The following CTIF variants were observed in gnomAD, a reference collection of about 807,000 sequenced individuals.
CTIF encodes CBP80/20-dependent translation initiation factor.
In CTIF, 21 loss-of-function variants were observed where a neutral mutation model predicts 66.0. The observed-to-expected ratio is 0.32, with a 90% CI of 0.23 to 0.46. The LOEUF (loss-of-function observed/expected upper bound fraction) is 0.46, where lower values mean the gene tolerates loss of function less well. CTIF is among the 20% of genes least tolerant of loss of function. CTIF has a pLI of 1.00. For missense variants in CTIF, 739 were observed against 812.7 expected, an observed-to-expected ratio of 0.91 and a Z score of 1.10; for synonymous variants, 345 against 326.4, an observed-to-expected ratio of 1.06 and a Z score of -0.62.
chr18:48,823,976 C>CACACACACA (rs2068532607), intron 10 of CTIF, among the ~76,000 whole-genome samples: 5 of 124,104 alleles, frequency 4.0e-5, no homozygotes, highest in African/African-American at 1.1e-4. Context: ...CCTAAAGACT[C>CACACACACA]CACACACACA....
intron 9 of CTIF, among the ~76,000 whole-genome samples, chr18:48,799,886 G>A (rs1295878934): frequency 6.6e-6 from 1 of 152,232 alleles, no homozygotes; most frequent in African/African-American, 2.4e-5. Context: ...AGTGGGAGAG[G>A]CAATCACTGA....
intron 3 of CTIF, among the ~76,000 whole-genome samples, chr18:48,647,453 AG>A (rs1351429163): frequency 2.0e-5 from 3 of 152,216 alleles, no homozygotes; most frequent in Non-Finnish European, 4.4e-5. Context: ...TCGTATTAAG[AG>A]GATGAAGAGA....
chr18:48,572,528 GC>G (rs2089439517), intron 1 of CTIF, among the ~76,000 whole-genome samples: 1 of 152,188 alleles, frequency 6.6e-6, no homozygotes, highest in Non-Finnish European at 1.5e-5. Context: ...AGATTACACA[GC>G]TAGTAGGAGC....
intron 7 of CTIF, among the ~76,000 whole-genome samples, chr18:48,730,512 T>C (rs137956100): frequency 0.92 from 32,478 of 35,338 alleles, 14,921 homozygotes; most frequent in Middle Eastern, 0.95. Flanking sequence ...GTGAGGGGCT[T>C]CTGCGGTGTG....
chr18:48,612,330 G>T (rs2090322202), intron 1 of CTIF, among the ~76,000 whole-genome samples: 1 of 152,228 alleles, frequency 6.6e-6, no homozygotes, highest in Non-Finnish European at 1.5e-5. Context: ...CCCCACTCCA[G>T]CAGGCAGCAT....
chr18:48,588,918 G>A (rs1403614809), intron 1 of CTIF, among the ~76,000 whole-genome samples: 7 of 152,004 alleles, frequency 4.6e-5, no homozygotes, highest in Non-Finnish European at 7.4e-5. Flanking sequence ...AGTGGCTGAG[G>A]GCACCGGACT....
Position 48,761,620 on chromosome 18 carries a change from C to G in CTIF, c.1302C>G (p.Leu434=). ...GCTTCGCCTTCACCGCTGCCAAGCT[C>G]TGCGACAAGATGGCGCTCTTTATGG... The part of the protein sequence containing the change: ...DRSFAFTAAK[L]CDKMALFMVE... The change falls in exon 9 of 12, where the codon CTC becomes CTG. Residue 434 remains leucine (L), a synonymous_variant. Transcript: ENST00000256413. The surrounding 1 kb of genome is among the most constrained non-coding windows in gnomAD (Gnocchi z 4.2). 6.2e-7 allele frequency: 1 copy of G among 1,614,226 alleles called. No homozygotes were observed. Among genetic ancestry groups the G allele is most frequent in the Non-Finnish European group, 8.5e-7 (1 of 1,180,046 alleles).
intron 6 of CTIF, among the ~76,000 whole-genome samples, chr18:48,674,401 G>A (rs945213705): frequency 6.6e-6 from 1 of 152,226 alleles, no homozygotes; most frequent in Non-Finnish European, 1.5e-5. Flanking sequence ...AAAGCAGAGG[G>A]CGCCATGGGC....
chr18:48,614,849 GT>G (rs1488842391), intron 1 of CTIF, among the ~76,000 whole-genome samples: 1 of 150,978 alleles, frequency 6.6e-6, no homozygotes, highest in African/African-American at 2.5e-5. Context: ...TGATTTGTTT[GT>G]TTTGTTTGGT....
chr18:48,753,758 C>T (rs1014191014), intron 7 of CTIF, among the ~76,000 whole-genome samples: 2 of 152,186 alleles, frequency 1.3e-5, no homozygotes, highest in African/African-American at 4.8e-5. Flanking sequence ...ACTTGCAGGG[C>T]TGCAAAACTG....
At chr18:48,723,017 C>A (rs2092354985) in intron 7 of CTIF, among the ~76,000 whole-genome samples, 1 of 152,192 alleles carries the variant, frequency 6.6e-6, no homozygotes, top group Non-Finnish European at 1.5e-5. Flanking sequence ...TTCCCAATGA[C>A]CTTAGGAAGG....
chr18:48,717,920 T>C (rs1287423584), intron 7 of CTIF, among the ~76,000 whole-genome samples: 1 of 152,092 alleles, frequency 6.6e-6, no homozygotes, highest in African/African-American at 2.4e-5. Context: ...GCTTGATTGA[T>C]TGGTAGCGAT....
chr18:48,757,164 TAGTC>T (rs1908447703), intron 7 of CTIF, among the ~76,000 whole-genome samples: 1 of 152,200 alleles, frequency 6.6e-6, no homozygotes. Context: ...ATAAGGCCAT[TAGTC>T]AGTTCAGATT....
intron 9 of CTIF, among the ~76,000 whole-genome samples, chr18:48,780,852 T>C (rs1911139159): frequency 6.6e-6 from 1 of 152,118 alleles, no homozygotes; most frequent in South Asian, 2.1e-4. Context: ...AGTGCAGGGG[T>C]AGGGCTTAAG....
chr18:48,772,769 T>C (rs1174154295), intron 9 of CTIF, among the ~76,000 whole-genome samples: 1 of 152,260 alleles, frequency 6.6e-6, no homozygotes, highest in African/African-American at 2.4e-5. Flanking sequence ...ACCTTTTGAC[T>C]ATTGTGATTC....
intron 10 of CTIF, among the ~76,000 whole-genome samples, chr18:48,828,723 C>G (rs753256241): frequency 6.6e-6 from 1 of 152,254 alleles, no homozygotes; most frequent in Non-Finnish European, 1.5e-5. Context: ...TCTCTCCCCA[C>G]AGACGCACCC....
intron 3 of CTIF, among the ~76,000 whole-genome samples, chr18:48,655,320 AG>A (rs2091229393): frequency 1.3e-4 from 16 of 125,044 alleles, no homozygotes; most frequent in African/African-American, 3.0e-4. Flanking sequence ...AAAAAAAAAA[AG>A]AAGAATAAAA....
chr18:48,806,344 A>G (rs903661969), intron 9 of CTIF, among the ~76,000 whole-genome samples: 3 of 152,128 alleles, frequency 2.0e-5, no homozygotes, highest in African/African-American at 4.8e-5. Flanking sequence ...TCCCTCCCAC[A>G]TGTATCCAGC....
chr18:48,763,852 T>C (rs1454736737), intron 9 of CTIF, among the ~76,000 whole-genome samples: 1 of 152,156 alleles, frequency 6.6e-6, no homozygotes, highest in East Asian at 1.9e-4. Flanking sequence ...AGTAGGAAAC[T>C]GTCCTGGGTC....
Sources: gnomAD v4.1 joint callset for allele counts (sites outside exome capture counted in the v4.1 genomes callset) on GRCh38, gnomAD v4.1.1 for gene constraint, Gnocchi (gnomAD v3.1) non-coding constraint, MANE v1.5 for transcripts, NCBI Gene and HGNC (gene_info 2026-07-23, HGNC 2026-07-21) for gene names.